Variants in CMKLR1 observed in about 807,000 individuals in gnomAD.
CMKLR1 encodes the protein chemerin chemokine-like receptor 1, also known as chemerin-like receptor 1.
CMKLR1 carries 6 observed loss-of-function variants against 8.2 expected under a neutral mutation model. The ratio of observed to expected loss-of-function variants is 0.73; its 90% CI spans 0.40 to 1.44. The LOEUF is 1.44. Among genes scored for constraint, CMKLR1 ranks in the 40% most tolerant of loss-of-function variants. CMKLR1 has a pLI of 0.02. For synonymous variants in CMKLR1, 178 were observed against 181.2 expected, an observed-to-expected ratio of 0.98 and a Z score of 0.14; for missense variants, 429 against 478.0, an observed-to-expected ratio of 0.90 and a Z score of 0.96.
intron 2 of CMKLR1, among the ~76,000 whole-genome samples, chr12:108,310,948 C>G (rs12309634): frequency 6.6e-6 from 1 of 150,934 alleles, no homozygotes; most frequent in African/African-American, 2.4e-5. Context: ...GTTCGAAGAC[C>G]GCCCCCCCAC....
At chr12:108,311,306 G>A (rs1009079102) in intron 2 of CMKLR1, among the ~76,000 whole-genome samples, 2 of 152,208 alleles carry the variant, frequency 1.3e-5, no homozygotes, top group Non-Finnish European at 2.9e-5. Flanking sequence ...GTGCGTGTGA[G>A]ATATTAACAC....
intron 2 of CMKLR1, among the ~76,000 whole-genome samples, chr12:108,319,452 C>T (rs1259197654): frequency 6.6e-6 from 1 of 152,198 alleles, no homozygotes; most frequent in Non-Finnish European, 1.5e-5. Flanking sequence ...GTTCTGAAGC[C>T]AGACCACCTG....
rs991667263 is a variant in CMKLR1 at position 108,290,021 on chromosome 12, T to C, written c.*1820A>G. ...CACAAGGGACTGCCTCCTGCCAGCT[T>C]TCCCTCCCCATTGCCTTGATCTCTG... On this transcript the variant is annotated 3_prime_UTR_variant, in exon 4 of 4. Transcript: ENST00000550402. 5.9e-5 allele frequency: 9 copies of C among 152,254 alleles called. No homozygotes were observed. Among genetic ancestry groups the C allele is most frequent in the Non-Finnish European group, 1.2e-4 (8 of 68,056 alleles). The allele number at this position is 152,254 out of a possible 1,614,324, so 9.4% of individuals were successfully genotyped here.
At position 108,292,333 on chromosome 12, in the gene CMKLR1, G is replaced by A; in HGVS notation, c.630C>T (p.Asp210=). Residue 210 remains aspartate (D), a synonymous_variant, in exon 4 of 4, where the codon GAC becomes GAT. Transcript: ENST00000550402. ...SSSWPTHSQM[D]PVGYSRHMVV... ...CCATGTGCCGGCTATACCCCACAGGGTCCATTTGGGAGTGAGTGGGCCACG... is the reference window on the plus strand; with the variant it reads ...CCATGTGCCGGCTATACCCCACAGGATCCATTTGGGAGTGAGTGGGCCACG... 1 of 1,614,164 alleles carries A rather than the reference G, an allele frequency of 6.2e-7. No individual in the cohort carries two copies. The highest frequency in any genetic ancestry group is 8.5e-7 in the Non-Finnish European group (1 of 1,180,046).
chr12:108,307,458 G>A (rs1314708338), intron 2 of CMKLR1, among the ~76,000 whole-genome samples: 1 of 152,156 alleles, frequency 6.6e-6, no homozygotes. Context: ...TGAGATACCT[G>A]AAAAGTGGCA....
rs932743570 is a variant in CMKLR1, at chr12:108,290,445, T to C, written c.*1396A>G. On this transcript the variant is annotated 3_prime_UTR_variant, in exon 4 of 4. Coordinates refer to ENST00000550402, the MANE Select transcript of CMKLR1 (RefSeq NM_001142343.2). Reference sequence around the variant, plus strand: ...GAGAAAACATATGTAAAGTGCATAATATAAAAAGTGCTAAATAAATGTAGG... The same window carrying C: ...GAGAAAACATATGTAAAGTGCATAACATAAAAAGTGCTAAATAAATGTAGG... The C allele has an allele frequency of 1.3e-5, 2 of 152,182 alleles. No homozygotes were observed. The highest frequency in any genetic ancestry group is 2.9e-5 in the Non-Finnish European group (2 of 68,024). The allele number at this position is 152,182 out of a possible 1,614,324, so 9.4% of individuals were successfully genotyped here.
chr12:108,310,643 G>A (rs1039287402), intron 2 of CMKLR1, among the ~76,000 whole-genome samples: 1 of 152,170 alleles, frequency 6.6e-6, no homozygotes, highest in Non-Finnish European at 1.5e-5. Context: ...GTGAGCGGAG[G>A]AGTGAGGACC....
Position 108,291,891 on chromosome 12 carries a change from A to G in CMKLR1, c.1072T>C (p.Ser358Pro), listed in dbSNP as rs770326992. 2.2e-5 allele frequency: 36 copies of G among 1,614,038 alleles called. 1 individual carries two copies. The highest frequency in any genetic ancestry group is 3.1e-5 in the Non-Finnish European group (36 of 1,180,026). The change falls in exon 4 of 4, where the codon TCA becomes CCA. Residue 358 changes from serine (S) to proline (P), a missense_variant. Ser to Pro is a moderately conservative substitution (Grantham distance 74). Transcript: ENST00000550402. ...TTCATAGAAGTCCTCTCATTCATTG[A>G]TGACATCTTGGTAAAGCTTCTATGG... Reference protein sequence around the residue: ...PSHRSFTKMSSMNERTSMNER... With the variant: ...PSHRSFTKMSPMNERTSMNER...
Position 108,339,071 on chromosome 12 carries a change from G to T in CMKLR1, c.-331C>A, listed in dbSNP as rs2137353200. ...CGGAAGGTCTTCCTGAGGGTTCCCTGTGACTGCAGGCCACTCGAGGCTGTT... is the reference window on the plus strand; with the variant it reads ...CGGAAGGTCTTCCTGAGGGTTCCCTTTGACTGCAGGCCACTCGAGGCTGTT... On this transcript the variant is annotated 5_prime_UTR_variant, in exon 1 of 4. Transcript: ENST00000550402. The T allele has an allele frequency of 6.6e-6, 1 of 152,358 alleles. No homozygotes were observed. The highest frequency in any genetic ancestry group is 3.4e-3 in the Middle Eastern group (1 of 294). 9.4% of individuals were successfully genotyped at this position (152,358 alleles called of 1,614,324 possible).
chr12:108,329,252 A>G (rs1892049599), intron 2 of CMKLR1, among the ~76,000 whole-genome samples: 1 of 152,156 alleles, frequency 6.6e-6, no homozygotes, highest in South Asian at 2.1e-4. Flanking sequence ...GGGGCCTTCA[A>G]GGCCCTGAGG....
At chr12:108,315,104 A>G (rs946037575) in intron 2 of CMKLR1, among the ~76,000 whole-genome samples, 28 of 150,034 alleles carry the variant, frequency 1.9e-4, no homozygotes, top group Non-Finnish European at 3.1e-4. Context: ...CACCTGGCTG[A>G]TTTTGTATTT....
intron 2 of CMKLR1, among the ~76,000 whole-genome samples, chr12:108,313,112 C>T (rs892462962): frequency 2.6e-5 from 4 of 152,060 alleles, no homozygotes; most frequent in East Asian, 1.9e-4. Context: ...GCAATCAGGA[C>T]GGTGGAGTAT....
At position 108,293,655 on chromosome 12, in the gene CMKLR1, C is replaced by G; in HGVS notation, c.-64G>C. ...TCAGCCAATCAGTCCCTGTACACAG[C>G]TAGAAACACCTGTAGGGAAAAAAAA... is the stretch of plus-strand genomic sequence containing the variant. On this transcript the variant is annotated 5_prime_UTR_variant, in exon 3 of 4. The change abolishes the stop of an existing upstream ORF in the 5' untranslated region. Coordinates refer to ENST00000550402, the MANE Select transcript of CMKLR1 (RefSeq NM_001142343.2). The G allele has an allele frequency of 7.6e-7, 1 of 1,322,076 alleles. No individual in the cohort carries two copies. Among genetic ancestry groups the G allele is most frequent in the South Asian group, 1.3e-5 (1 of 74,590 alleles). The allele number at this position is 1,322,076 out of a possible 1,614,324, so 81.9% of individuals were successfully genotyped here.
intron 2 of CMKLR1, among the ~76,000 whole-genome samples, chr12:108,304,326 C>G (rs1891352023): frequency 6.6e-6 from 1 of 152,214 alleles, no homozygotes; most frequent in Admixed American, 6.5e-5. Flanking sequence ...AGGGCCTCAC[C>G]TCCTCTGGCT....
intron 2 of CMKLR1, among the ~76,000 whole-genome samples, chr12:108,298,444 A>G (rs940396918): frequency 1.3e-5 from 2 of 152,174 alleles, no homozygotes; most frequent in African/African-American, 4.8e-5. Flanking sequence ...TGCTCTGACT[A>G]TGAGTCTTGC....
At chr12:108,334,843 G>GAATT (rs1186498392) in intron 1 of CMKLR1, among the ~76,000 whole-genome samples, 8 of 152,192 alleles carry the variant, frequency 5.3e-5, no homozygotes, top group African/African-American at 1.9e-4. Context: ...ATGTAGGCTT[G>GAATT]TAGGGAGATT....
Position 108,323,207 on chromosome 12 carries a change from A to T in CMKLR1, c.-74+6788T>A, listed in dbSNP as rs549533895. On this transcript the variant is annotated intron_variant, in intron 2 of 3. Transcript: ENST00000550402. ...TGCAAAACTAAAACCATCCTTTACC[A>T]TCACCACCACTTCAGAAAAGAAACA... Among the ~76,000 whole-genome samples the T allele has an allele frequency of 2.2e-3, 335 of 152,300 alleles. 1 individual carries two copies. Among genetic ancestry groups the T allele is most frequent in the African/African-American group, 8.0e-3 (331 of 41,564 alleles).
At chr12:108,319,566 A>C (rs1006703287) in intron 2 of CMKLR1, among the ~76,000 whole-genome samples, 1 of 152,228 alleles carries the variant, frequency 6.6e-6, no homozygotes, top group Non-Finnish European at 1.5e-5. Context: ...CATGCCTCAC[A>C]AAGTACATAC....
chr12:108,295,069 G>A (rs1374604951), intron 2 of CMKLR1, among the ~76,000 whole-genome samples: 1 of 152,216 alleles, frequency 6.6e-6, no homozygotes, highest in Non-Finnish European at 1.5e-5. Flanking sequence ...GTTTTCTATG[G>A]CACTGGAATG....
Sources: allele counts gnomAD v4.1 joint callset (sites outside exome capture counted in the v4.1 genomes callset), GRCh38; gene constraint gnomAD v4.1.1; transcripts MANE v1.5; gene names NCBI Gene and HGNC (gene_info 2026-07-23, HGNC 2026-07-21).